RNF180: variants seen among roughly 807,000 people sequenced by gnomAD.
The protein encoded by RNF180 is E3 ubiquitin-protein ligase RNF180.
Under a neutral mutation model 59.2 loss-of-function variants are expected in RNF180, and 38 were observed. The ratio of observed to expected loss-of-function variants is 0.64; its 90% CI spans 0.50 to 0.84. The LOEUF (loss-of-function observed/expected upper bound fraction) is 0.84. Among genes scored for constraint, RNF180 ranks in the 40% least tolerant of loss-of-function variants. The pLI is 0.00. For synonymous variants in RNF180, 262 were observed against 240.3 expected, an observed-to-expected ratio of 1.09 and a Z score of -0.84; for missense variants, 705 against 700.9, an observed-to-expected ratio of 1.01 and a Z score of -0.07.
chr5:64,185,261 T>G (rs912584089), intron 1 of RNF180, among the ~76,000 whole-genome samples: 5 of 152,164 alleles, frequency 3.3e-5, no homozygotes, highest in African/African-American at 1.2e-4. Context: ...ATCATAACAG[T>G]GTTTGTCTGG....
At chr5:64,223,235 A>G (rs1027656258) in intron 5 of RNF180, among the ~76,000 whole-genome samples, 1 of 151,834 alleles carries the variant, frequency 6.6e-6, no homozygotes, top group Non-Finnish European at 1.5e-5. Context: ...TACAACTCCT[A>G]TTTTCTTTCA....
At chr5:64,215,655 C>T (rs1254605612) in intron 4 of RNF180, among the ~76,000 whole-genome samples, 1 of 151,952 alleles carries the variant, frequency 6.6e-6, no homozygotes, top group Non-Finnish European at 1.5e-5. Flanking sequence ...CATAGTTTAA[C>T]TTAAACTGTA....
intron 5 of RNF180, among the ~76,000 whole-genome samples, chr5:64,234,169 G>A (rs1403253794): frequency 4.0e-5 from 6 of 151,856 alleles, no homozygotes; most frequent in African/African-American, 9.7e-5. Flanking sequence ...TGTTAAAAAC[G>A]AATTAAAGTT....
intron 5 of RNF180, among the ~76,000 whole-genome samples, chr5:64,298,771 A>G (rs1033239617): frequency 1.3e-5 from 2 of 152,108 alleles, no homozygotes; most frequent in South Asian, 2.1e-4. Context: ...ACTCCAGCCA[A>G]TAATGTGATC....
intron 1 of RNF180, among the ~76,000 whole-genome samples, chr5:64,174,959 CTTTTTTTTTTTTT>C (rs370660214): frequency 6.0e-4 from 51 of 84,750 alleles, no homozygotes; most frequent in Non-Finnish European, 8.1e-4. Flanking sequence ...TAATCCAGTT[CTTTTTTTTTTTTT>C]TTTTTTTTTT....
chr5:64,280,065 T>C (rs1267539272), intron 5 of RNF180, among the ~76,000 whole-genome samples: 1 of 152,194 alleles, frequency 6.6e-6, no homozygotes. Context: ...TGATTTGTAC[T>C]TAATGATTAG....
At chr5:64,181,821 T>C (rs1337994017) in intron 1 of RNF180, among the ~76,000 whole-genome samples, 1 of 152,284 alleles carries the variant, frequency 6.6e-6, no homozygotes, top group East Asian at 1.9e-4. Flanking sequence ...ATTTCAGTAA[T>C]TGATAGTGTT....
intron 7 of RNF180, among the ~76,000 whole-genome samples, chr5:64,350,840 C>T (rs1444982385): frequency 6.6e-6 from 1 of 152,088 alleles, no homozygotes; most frequent in Non-Finnish European, 1.5e-5. Context: ...AGTCAGGTAG[C>T]ATGATGCCTC....
In RNF180 at chr5:64,264,508, G is replaced by T. The variant is rs368294464; in HGVS notation, c.1227+47112G>T. 4.6e-5 allele frequency among the ~76,000 whole-genome samples: 7 copies of T among 152,100 alleles called. No individual in the cohort carries two copies. In the East Asian group the frequency reaches 9.7e-4, roughly 21 times the overall value. ...TTGTTTTCTGTTCCTGTGTTAGTTT[G>T]CTGAGAATGATGGTTTCCAGCTTCA... On this transcript the variant is annotated intron_variant, in intron 5 of 7. Transcript: ENST00000389100.
rs1745225508 is a variant in RNF180, at chr5:64,338,512, GTAGT to G, written c.1579+8107_1579+8110del. On this transcript the variant is annotated intron_variant, in intron 7 of 7. Transcript: ENST00000389100. ...TAGCCTGGCGTGGTGGCGGGTGCCT[GTAGT>G]CCCAGCTACTCAGGAGTCTGAGGCA... Among the ~76,000 whole-genome samples, 7 of 152,042 alleles carry G rather than the reference GTAGT, an allele frequency of 4.6e-5. No individual in the cohort carries two copies. In the South Asian group the frequency reaches 8.3e-4, roughly 18 times the overall value.
intron 5 of RNF180, among the ~76,000 whole-genome samples, chr5:64,220,538 T>C (rs1273842415): frequency 6.6e-6 from 1 of 152,092 alleles, no homozygotes; most frequent in Non-Finnish European, 1.5e-5. Flanking sequence ...ATATCAGCAT[T>C]TTGAGGAAAT....
At chr5:64,361,841 C>T (rs1244286172) in intron 7 of RNF180, among the ~76,000 whole-genome samples, 1 of 151,252 alleles carries the variant, frequency 6.6e-6, no homozygotes, top group Non-Finnish European at 1.5e-5. Flanking sequence ...TATACATTGA[C>T]TATTATGTTA....
chr5:64,189,935 T>C (rs1751053435), intron 1 of RNF180, among the ~76,000 whole-genome samples: 1 of 152,188 alleles, frequency 6.6e-6, no homozygotes, highest in African/African-American at 2.4e-5. Context: ...GAATATGCCT[T>C]ATCCTTCAAC....
intron 1 of RNF180, among the ~76,000 whole-genome samples, chr5:64,186,467 T>C (rs1750880513): frequency 1.3e-5 from 2 of 152,136 alleles, no homozygotes; most frequent in African/African-American, 4.8e-5. Flanking sequence ...TTAGATGTTT[T>C]CCTTTGAGAA....
chr5:64,267,169 A>G (rs1241671026), intron 5 of RNF180, among the ~76,000 whole-genome samples: 1 of 151,976 alleles, frequency 6.6e-6, no homozygotes, highest in African/African-American at 2.4e-5. Flanking sequence ...TAGTTAAGAA[A>G]TTTTTCGCCC....
intron 5 of RNF180, among the ~76,000 whole-genome samples, chr5:64,271,186 C>G (rs901794803): frequency 6.6e-6 from 1 of 151,874 alleles, no homozygotes; most frequent in African/African-American, 2.4e-5. Context: ...TAAGTGTGAA[C>G]CAGATTATTG....
At chr5:64,245,770 A>G (rs1743112568) in intron 5 of RNF180, among the ~76,000 whole-genome samples, 1 of 152,214 alleles carries the variant, frequency 6.6e-6, no homozygotes, top group Non-Finnish European at 1.5e-5. Flanking sequence ...AGTGGATCTA[A>G]TAGACATCTA....
Position 64,212,089 on chromosome 5 carries a change from CA to C in RNF180, c.164del (p.Asn55IlefsTer8). The C allele has an allele frequency of 6.2e-7, 1 of 1,600,626 alleles. No individual in the cohort carries two copies. The highest frequency in any genetic ancestry group is 8.6e-7 in the Non-Finnish European group (1 of 1,168,168). ...IKDKDDSVDAQNICHVWHMNV... is the reference protein window; with the variant it reads ...IKDKDDSVDAXNICHVWHMNV... ...GGATAAAGATGATTCAGTTGATGCTCAAAATATTTGTCATGTGTGGCACATG... is the reference window on the plus strand; with the variant it reads ...GGATAAAGATGATTCAGTTGATGCTCAAATATTTGTCATGTGTGGCACATG... On this transcript the variant is annotated frameshift_variant, in exon 3 of 8. Transcript: ENST00000389100. LOFTEE classifies it high-confidence loss of function.
chr5:64,347,279 T>G (rs1745593687), intron 7 of RNF180, among the ~76,000 whole-genome samples: 1 of 152,208 alleles, frequency 6.6e-6, no homozygotes, highest in African/African-American at 2.4e-5. Flanking sequence ...GCATTAAATT[T>G]ATTTGCCTTT....
Sources: gnomAD v4.1 joint callset for allele counts (sites outside exome capture counted in the v4.1 genomes callset) on GRCh38, gnomAD v4.1.1 for gene constraint, MANE v1.5 for transcripts, NCBI Gene and HGNC (gene_info 2026-07-23, HGNC 2026-07-21) for gene names.